CNTNAP3B: variants seen among roughly 807,000 people sequenced by gnomAD.
The protein encoded by CNTNAP3B is contactin-associated protein-like 3B.
Under a neutral mutation model 108.9 loss-of-function variants are expected in CNTNAP3B, and 25 were observed. The ratio of observed to expected loss-of-function variants is 0.23; its 90% CI spans 0.17 to 0.32. The LOEUF (loss-of-function observed/expected upper bound fraction) is 0.32. Ranked by LOEUF, CNTNAP3B falls within the 10% of genes least tolerant of loss-of-function variation. The pLI, the probability that CNTNAP3B is intolerant of heterozygous loss-of-function variation, is 1.00. For missense variants in CNTNAP3B, 252 were observed against 1,210.4 expected (o/e 0.21, Z 11.75); for synonymous variants, 103 against 473.4 (o/e 0.22, Z 10.16).
At chr9:42,118,295 G>A (rs1211334648) in intron 1 of CNTNAP3B, among the ~76,000 whole-genome samples, 1 of 139,304 alleles carries the variant, frequency 7.2e-6, no homozygotes, top group Non-Finnish European at 1.5e-5. Flanking sequence ...CTGGCAAACT[G>A]AATACAGCAA....
At chr9:41,969,907 G>A (rs1223786731) in intron 10 of CNTNAP3B, among the ~76,000 whole-genome samples, 167 bp downstream of exon 10, 3 of 145,716 alleles carry the variant, frequency 2.1e-5, no homozygotes, top group Non-Finnish European at 4.5e-5. Context: ...CACCACGCCC[G>A]GCCAAGATGA....
chr9:41,986,652 T>TA (rs1341415064), intron 8 of CNTNAP3B, among the ~76,000 whole-genome samples: 1 of 151,478 alleles, frequency 6.6e-6, no homozygotes, highest in Non-Finnish European at 1.5e-5. Context: ...ATGCAAAACT[T>TA]ACTTGCTTTA....
At chr9:42,063,133 T>C (rs1449255766) in intron 3 of CNTNAP3B, among the ~76,000 whole-genome samples, 2 of 122,838 alleles carry the variant, frequency 1.6e-5, no homozygotes, top group Admixed American at 1.7e-4. Flanking sequence ...TACTAGTGAG[T>C]TTCAAACTTT....
intron 3 of CNTNAP3B, among the ~76,000 whole-genome samples, chr9:42,019,747 T>A (rs1826275237): frequency 1.5e-5 from 2 of 135,998 alleles, no homozygotes; most frequent in Admixed American, 7.6e-5. Context: ...GGTGACAGAG[T>A]GAGACTCTAT....
chr9:42,087,370 T>C (rs1286840729), intron 2 of CNTNAP3B, among the ~76,000 whole-genome samples: 1 of 131,018 alleles, frequency 7.6e-6, no homozygotes, highest in Non-Finnish European at 1.6e-5. Context: ...TTTTTCATGG[T>C]TGTTTATGCA....
rs1828557529 is a variant in CNTNAP3B, at chr9:42,125,820, G to A, written c.85+3190C>T. Among the ~76,000 whole-genome samples, 2 of 130,808 alleles carry A rather than the reference G, an allele frequency of 1.5e-5. 1 individual carries two copies. Among genetic ancestry groups the A allele is most frequent in the East Asian group, 4.7e-4 (2 of 4,262 alleles). The allele number at this position is 130,808 out of a possible 152,430, so 85.8% of individuals were successfully genotyped here. ...TTTAGTAGAGGCAGGGTTTCACCGT[G>A]TTGTCCAGGCTGGTTTCGAACTCCC... On this transcript the variant is annotated intron_variant, in intron 1 of 23. Transcript: ENST00000377561.
chr9:41,960,512 G>A (rs2118200159), intron 12 of CNTNAP3B, among the ~76,000 whole-genome samples: 1 of 152,338 alleles, frequency 6.6e-6, no homozygotes, highest in South Asian at 2.1e-4. Flanking sequence ...ATTTTATCAT[G>A]ATGCACATGA....
intron 13 of CNTNAP3B, among the ~76,000 whole-genome samples, chr9:41,947,303 C>T (rs1216587271): frequency 5.3e-5 from 8 of 152,270 alleles, no homozygotes; most frequent in South Asian, 2.1e-4. Context: ...GAACTAAAAT[C>T]ACACAAAGTA....
At chr9:42,037,758 C>A in intron 3 of CNTNAP3B, among the ~76,000 whole-genome samples, 1 of 33,198 alleles carries the variant, frequency 3.0e-5, no homozygotes, top group African/African-American at 9.8e-5. Context: ...GACCAACATT[C>A]AAATTCAAGA....
chr9:41,916,419 G>A (rs1310042173), intron 18 of CNTNAP3B, among the ~76,000 whole-genome samples: 1 of 151,578 alleles, frequency 6.6e-6, no homozygotes, highest in Admixed American at 6.6e-5. Flanking sequence ...ATTTATTAGT[G>A]CTATTTGTTT....
chr9:42,124,583 C>T (rs1309802335), intron 1 of CNTNAP3B, among the ~76,000 whole-genome samples: 1 of 128,114 alleles, frequency 7.8e-6, no homozygotes, highest in Non-Finnish European at 1.6e-5. Flanking sequence ...AATGCTCTTA[C>T]AACGTGGAGC....
intron 18 of CNTNAP3B, among the ~76,000 whole-genome samples, chr9:41,918,455 C>A (rs1377715497): frequency 6.9e-6 from 1 of 145,294 alleles, no homozygotes; most frequent in African/African-American, 2.6e-5. Context: ...TTAGTACACA[C>A]ATACACATAC....
intron 3 of CNTNAP3B, among the ~76,000 whole-genome samples, chr9:42,063,355 A>G (rs1219577198): frequency 7.5e-6 from 1 of 133,996 alleles, no homozygotes; most frequent in African/African-American, 3.0e-5. Flanking sequence ...TTTTCCTTTC[A>G]GCACTTGAAT....
intron 11 of CNTNAP3B, among the ~76,000 whole-genome samples, chr9:41,961,493 G>A (rs1265404591): frequency 6.6e-6 from 1 of 152,304 alleles, no homozygotes; most frequent in Non-Finnish European, 1.5e-5. Context: ...CATTCTCCCT[G>A]TAATAACTGA....
At chr9:42,017,233 A>G (rs1220901092) in intron 3 of CNTNAP3B, among the ~76,000 whole-genome samples, 2 of 137,804 alleles carry the variant, frequency 1.5e-5, no homozygotes, top group East Asian at 4.4e-4. Context: ...AGTTAAATCT[A>G]ACAGTCACAG....
At chr9:41,935,501 C>A (rs1193108223) in intron 14 of CNTNAP3B, among the ~76,000 whole-genome samples, 3 of 152,272 alleles carry the variant, frequency 2.0e-5, no homozygotes, top group African/African-American at 7.2e-5. Flanking sequence ...ACACCTTAAT[C>A]TAAATTATTA....
chr9:41,945,608 G>T (rs1322265026), intron 13 of CNTNAP3B, among the ~76,000 whole-genome samples: 1 of 152,426 alleles, frequency 6.6e-6, no homozygotes, highest in East Asian at 1.9e-4. Context: ...ACACACCGGG[G>T]CCTGTCATGG....
intron 3 of CNTNAP3B, among the ~76,000 whole-genome samples, chr9:42,024,680 A>AAAG (rs1399178239): frequency 2.2e-5 from 3 of 137,374 alleles, no homozygotes; most frequent in Non-Finnish European, 4.7e-5. Context: ...AAAAAAAAAA[A>AAAG]AAAAGAAAAA....
At chr9:42,036,368 T>A (rs1274897705) in intron 3 of CNTNAP3B, among the ~76,000 whole-genome samples, 1 of 140,560 alleles carries the variant, frequency 7.1e-6, no homozygotes, top group Non-Finnish European at 1.5e-5. Flanking sequence ...GTATTTTATT[T>A]TTGCACAGTG....
Sources: allele counts gnomAD v4.1 joint callset (sites outside exome capture counted in the v4.1 genomes callset), GRCh38; gene constraint gnomAD v4.1.1; transcripts MANE v1.5; gene names NCBI Gene and HGNC (gene_info 2026-07-23, HGNC 2026-07-21).